AJAP1: variants seen among roughly 807,000 people sequenced by gnomAD.
AJAP1 encodes adherens junction-associated protein 1.
AJAP1 carries 5 observed loss-of-function variants against 35.0 expected under a neutral mutation model. That is an observed-to-expected ratio of 0.14 (90% CI 0.07 to 0.30). AJAP1 has a LOEUF of 0.30. Among genes scored for constraint, AJAP1 ranks in the 10% least tolerant of loss-of-function variants. AJAP1 has a pLI of 1.00. For synonymous variants in AJAP1, 284 were observed against 249.3 expected, an observed-to-expected ratio of 1.14 and a Z score of -1.31; for missense variants, 586 against 571.0, an observed-to-expected ratio of 1.03 and a Z score of -0.27.
intron 1 of AJAP1, among the ~76,000 whole-genome samples, chr1:4,700,591 C>T (rs1272992872): frequency 2.0e-5 from 3 of 152,218 alleles, no homozygotes; most frequent in African/African-American, 2.4e-5. Flanking sequence ...GCCCCATTCG[C>T]GTCTTTTGCC....
rs1305991979 is a variant in AJAP1 at position 4,783,198 on chromosome 1, A to G, written c.*713A>G. 5.5e-6 allele frequency: 1 copy of G among 181,230 alleles called. No homozygotes were observed. Among genetic ancestry groups the G allele is most frequent in the Non-Finnish European group, 1.1e-5 (1 of 92,158 alleles). 11.2% of individuals were successfully genotyped at this position (181,230 alleles called of 1,614,324 possible). On this transcript the variant is annotated 3_prime_UTR_variant, in exon 6 of 6. Transcript: ENST00000378191. ...GTTTTCTACTTTGGCAACTCACGTC[A>G]CACACATATTACACACATGTGCGCA...
At chr1:4,754,691 G>A (rs3766969) in intron 2 of AJAP1, among the ~76,000 whole-genome samples, 12,428 of 152,266 alleles carry the variant, frequency 0.082, 554 homozygotes, top group Middle Eastern at 0.12. Context: ...TTTCGGTGAC[G>A]GGGCCTCAGT....
chr1:4,767,310 C>T (rs966315248), intron 2 of AJAP1, among the ~76,000 whole-genome samples: 5 of 151,714 alleles, frequency 3.3e-5, no homozygotes, highest in African/African-American at 9.7e-5. Context: ...TCACTATCAC[C>T]GTCATCACCA....
At chr1:4,730,012 C>T (rs1184040155) in intron 2 of AJAP1, among the ~76,000 whole-genome samples, 2 of 152,140 alleles carry the variant, frequency 1.3e-5, no homozygotes, top group Non-Finnish European at 2.9e-5. Context: ...AAACATAGCT[C>T]TTAGAGCAAT....
rs183301223 is a variant in AJAP1 at position 4,735,581 on chromosome 1, G to A, written c.829+22882G>A. Reference sequence around the variant, plus strand: ...TAAGACAGCCCACTGAATAGCCAGGGACATTCAGGAGGCTGCACACGGAGG... The same window carrying A: ...TAAGACAGCCCACTGAATAGCCAGGAACATTCAGGAGGCTGCACACGGAGG... On this transcript the variant is annotated intron_variant, in intron 2 of 5. Coordinates refer to ENST00000378191, the MANE Select transcript of AJAP1 (RefSeq NM_018836.4). Among the ~76,000 whole-genome samples the A allele has an allele frequency of 2.7e-4, 41 of 152,314 alleles. 1 individual carries two copies. Among genetic ancestry groups the A allele is most frequent in the Admixed American group, 2.2e-3 (34 of 15,306 alleles).
chr1:4,749,567 C>T (rs1220318016), intron 2 of AJAP1, among the ~76,000 whole-genome samples: 1 of 152,216 alleles, frequency 6.6e-6, no homozygotes, highest in Non-Finnish European at 1.5e-5. Context: ...GGGAGGCACA[C>T]TGTGGAGGCC....
At chr1:4,671,368 CAA>C (rs35552154) in intron 1 of AJAP1, among the ~76,000 whole-genome samples, 1,543 of 128,620 alleles carry the variant, frequency 0.012, 34 homozygotes, top group African/African-American at 0.042. Flanking sequence ...GACTCTGCCT[CAA>C]AAAAAAAAAA....
Position 4,754,216 on chromosome 1 carries a change from A to G in AJAP1, c.830-15637A>G, listed in dbSNP as rs149259626. On this transcript the variant is annotated intron_variant, in intron 2 of 5. Coordinates refer to ENST00000378191, the MANE Select transcript of AJAP1 (RefSeq NM_018836.4). ...ACACATGAAAGTTATTTGAAATTCT[A>G]TTTCTAGTGTCCACAATTAAAGACT... Among the ~76,000 whole-genome samples, 684 of 147,604 alleles carry G rather than the reference A, an allele frequency of 4.6e-3. 5 individuals carry two copies. Among genetic ancestry groups the G allele is most frequent in the African/African-American group, 0.013 (554 of 41,278 alleles).
chr1:4,727,911 TC>T (rs1640706404), intron 2 of AJAP1, among the ~76,000 whole-genome samples: 1 of 152,198 alleles, frequency 6.6e-6, no homozygotes, highest in East Asian at 1.9e-4. Context: ...AGTGGAAACT[TC>T]TCTAGTTGAG....
intron 2 of AJAP1, among the ~76,000 whole-genome samples, chr1:4,718,630 G>A (rs1411117040): frequency 2.6e-5 from 4 of 151,934 alleles, no homozygotes; most frequent in Non-Finnish European, 5.9e-5. Flanking sequence ...CTATAGGCAC[G>A]TGCCACTAAG....
At chr1:4,657,837 C>T (rs1321958047) in intron 1 of AJAP1, among the ~76,000 whole-genome samples, 2 of 151,820 alleles carry the variant, frequency 1.3e-5, no homozygotes, top group African/African-American at 2.4e-5. Context: ...TCTTTTCCCC[C>T]CAAGAGGGAG....
At chr1:4,666,902 G>T in intron 1 of AJAP1, among the ~76,000 whole-genome samples, 1 of 149,784 alleles carries the variant, frequency 6.7e-6, no homozygotes, top group Non-Finnish European at 1.5e-5. Flanking sequence ...GGAGGGTTAT[G>T]GAGAGGGACC....
At chr1:4,763,141 G>A (rs2743978) in intron 2 of AJAP1, among the ~76,000 whole-genome samples, 115,261 of 152,026 alleles carry the variant, frequency 0.76, 44,486 homozygotes, top group African/African-American at 0.81. Context: ...AGAGGCCTCT[G>A]CCAGCATCTT....
At chr1:4,729,177 G>A (rs1640743043) in intron 2 of AJAP1, among the ~76,000 whole-genome samples, 1 of 152,212 alleles carries the variant, frequency 6.6e-6, no homozygotes, top group Non-Finnish European at 1.5e-5. Context: ...CAGCATCCAT[G>A]GTGAATGAAT....
chr1:4,751,865 G>A (rs1187024280), intron 2 of AJAP1, among the ~76,000 whole-genome samples: 3 of 152,324 alleles, frequency 2.0e-5, no homozygotes, highest in African/African-American at 7.2e-5. Flanking sequence ...AGGCAGGGCC[G>A]GAACAGAAGT....
rs1642240899 is a variant in AJAP1, at chr1:4,791,028, AG to A, written c.*8545del. Reference sequence around the variant, plus strand: ...TTCTTTCCTGGAGAAACAGGATGGCAGGTGCTGGAGCCCAGAGAGGGGGTCA... The same window carrying A: ...TTCTTTCCTGGAGAAACAGGATGGCAGTGCTGGAGCCCAGAGAGGGGGTCA... On this transcript the variant is annotated 3_prime_UTR_variant, in exon 6 of 6. Coordinates refer to ENST00000378191, the MANE Select transcript of AJAP1 (RefSeq NM_018836.4). 6.6e-6 allele frequency: 1 copy of A among 151,560 alleles called. No homozygotes were observed. The allele number at this position is 151,560 out of a possible 1,614,324, so 9.4% of individuals were successfully genotyped here.
rs990427170 is a variant in AJAP1, at chr1:4,790,896, C to T, written c.*8411C>T. ...CTAGTTTGCAGCACCAAATACTGGT[C>T]TTCTCAGAAGTGTTTCTGTTTTTTT... On this transcript the variant is annotated 3_prime_UTR_variant, in exon 6 of 6. Coordinates refer to ENST00000378191, the MANE Select transcript of AJAP1 (RefSeq NM_018836.4). 2.0e-5 allele frequency: 3 copies of T among 151,158 alleles called. No individual in the cohort carries two copies. The highest frequency in any genetic ancestry group is 4.4e-5 in the Non-Finnish European group (3 of 67,950). 9.4% of individuals were successfully genotyped at this position (151,158 alleles called of 1,614,324 possible). A position where few individuals can be genotyped will look rare whatever the true frequency, so the allele number is the denominator to read the frequency against.
chr1:4,694,216 C>T (rs916792752), intron 1 of AJAP1, among the ~76,000 whole-genome samples: 6 of 151,758 alleles, frequency 4.0e-5, no homozygotes, highest in East Asian at 1.9e-4. Context: ...GCTCCTTTGC[C>T]GGGGGGGGAT....
intron 1 of AJAP1, among the ~76,000 whole-genome samples, chr1:4,682,011 G>A (rs148107292): frequency 3.9e-5 from 6 of 152,280 alleles, no homozygotes; most frequent in South Asian, 2.1e-4. Flanking sequence ...TAGAGAGCAC[G>A]AGGAACATAG....
Sources: allele counts gnomAD v4.1 joint callset (sites outside exome capture counted in the v4.1 genomes callset), GRCh38; gene constraint gnomAD v4.1.1; transcripts MANE v1.5; gene names NCBI Gene and HGNC (gene_info 2026-07-23, HGNC 2026-07-21).